Variants in NOS1 observed in about 807,000 individuals in gnomAD.
NOS1 encodes the protein nitric oxide synthase 1.
A neutral mutation model predicts 164.5 loss-of-function variants in NOS1; 51 were observed. The observed-to-expected ratio is 0.31, with a 90% CI of 0.25 to 0.39. The LOEUF is 0.39. Among genes scored for constraint, NOS1 ranks in the 10% least tolerant of loss-of-function variants. The pLI is 1.00. For missense variants in NOS1, 1,362 were observed against 1,885.6 expected, an observed-to-expected ratio of 0.72 and a Z score of 5.14; for synonymous variants, 719 against 745.8, an observed-to-expected ratio of 0.96 and a Z score of 0.59.
chr12:117,344,137 G>A (rs1200429367), intron 1 of NOS1, among the ~76,000 whole-genome samples: 1 of 152,204 alleles, frequency 6.6e-6, no homozygotes, highest in Non-Finnish European at 1.5e-5. Context: ...CTAGTACCAA[G>A]GACAGGAGGG....
chr12:117,265,144 C>T (rs1316483040), intron 12 of NOS1, among the ~76,000 whole-genome samples, 172 bp downstream of exon 12: 1 of 152,178 alleles, frequency 6.6e-6, no homozygotes, highest in African/African-American at 2.4e-5. Flanking sequence ...TCATGTCGGC[C>T]TCATATAGTC....
chr12:117,211,209 C>G lies in NOS1; in HGVS notation c.*4100G>C, dbSNP rs1475117968. On this transcript the variant is annotated 3_prime_UTR_variant, in exon 29 of 29. Transcript: ENST00000317775. ...CTGACCTCAACTGATACACCCACCT[C>G]GGCCTCCCAAAGTGCTGGGATTACA... 1.0e-6 allele frequency: 1 copy of G among 970,612 alleles called. No individual in the cohort carries two copies. Among genetic ancestry groups the G allele is most frequent in the Non-Finnish European group, 1.2e-6 (1 of 816,474 alleles). 60.1% of individuals were successfully genotyped at this position (970,612 alleles called of 1,614,324 possible). A position where few individuals can be genotyped will look rare whatever the true frequency, so the allele number is the denominator to read the frequency against.
intron 1 of NOS1, among the ~76,000 whole-genome samples, chr12:117,332,768 G>A (rs545343): frequency 0.69 from 104,122 of 151,974 alleles, 38,108 homozygotes; most frequent in Non-Finnish European, 0.81. Context: ...AGGAGGCTGA[G>A]GCACAAGAAT....
intron 22 of NOS1, among the ~76,000 whole-genome samples, chr12:117,230,633 T>C (rs1460918075): frequency 1.3e-5 from 2 of 152,226 alleles, no homozygotes; most frequent in Admixed American, 1.3e-4. Flanking sequence ...TGGGTGGTTC[T>C]CCTGGGTAGA....
intron 13 of NOS1, among the ~76,000 whole-genome samples, chr12:117,262,020 T>C (rs1317599186): frequency 6.6e-6 from 1 of 152,110 alleles, no homozygotes; most frequent in African/African-American, 2.4e-5. Context: ...TAACTAGAAA[T>C]CTCAGTGCAG....
chr12:117,340,900 T>G lies in NOS1; in HGVS notation c.-420-9411A>C, dbSNP rs548841209. ...TTTTTTTTTTTTTTTTTTTTTTGTA[T>G]TTTTAGTAGAGATGGGGTTTCACCA... is the stretch of plus-strand genomic sequence containing the variant. On this transcript the variant is annotated intron_variant, in intron 1 of 28. Coordinates refer to ENST00000317775, the MANE Select transcript of NOS1 (RefSeq NM_000620.5). Among the ~76,000 whole-genome samples the G allele has an allele frequency of 4.4e-5, 6 of 135,832 alleles. No homozygotes were observed. In the East Asian group the frequency reaches 1.1e-3, roughly 24 times the overall value. The allele number at this position is 135,832 out of a possible 152,430, so 89.1% of individuals were successfully genotyped here.
rs372972630 is a variant in NOS1, at chr12:117,258,378, G to A, written c.2531+19C>T. 50 of 1,613,758 alleles carry A rather than the reference G, an allele frequency of 3.1e-5. No homozygotes were observed. The highest frequency in any genetic ancestry group is 5.3e-5 in the African/African-American group (4 of 75,016). ...ACCCTCGGGGGTGGCGGGTGACGTC[G>A]GAGGGGTCATTCACTTACTTCCTTT... On this transcript the variant is annotated intron_variant, in intron 16 of 28. Coordinates refer to ENST00000317775, the MANE Select transcript of NOS1 (RefSeq NM_000620.5).
At chr12:117,269,854 C>G (rs1872675912) in intron 10 of NOS1, among the ~76,000 whole-genome samples, 1 of 152,192 alleles carries the variant, frequency 6.6e-6, no homozygotes, top group Non-Finnish European at 1.5e-5. Context: ...ACTCTACCCC[C>G]AGAGTGGTCA....
intron 3 of NOS1, among the ~76,000 whole-genome samples, chr12:117,304,516 A>T (rs951613555): frequency 2.0e-5 from 3 of 152,208 alleles, no homozygotes; most frequent in Middle Eastern, 3.2e-3. Flanking sequence ...AAGGGCAGGG[A>T]AGCCTGTGTT....
rs1393400325 is a variant in NOS1, at chr12:117,213,026, C to A, written c.*2283G>T. On this transcript the variant is annotated 3_prime_UTR_variant, in exon 29 of 29. Coordinates refer to ENST00000317775, the MANE Select transcript of NOS1 (RefSeq NM_000620.5). The stretch of plus-strand genomic sequence containing the variant: ...CTGGTTTTATAATCATTTCTTTGGA[C>A]TCCTTGACAAAATGAGACAATGTTT... 5.1e-6 allele frequency: 5 copies of A among 985,336 alleles called. No individual in the cohort carries two copies. The highest frequency in any genetic ancestry group is 6.0e-6 in the Non-Finnish European group (5 of 829,942). 61.0% of individuals were successfully genotyped at this position (985,336 alleles called of 1,614,324 possible).
At chr12:117,310,585 CTA>C (rs769222283) in intron 3 of NOS1, among the ~76,000 whole-genome samples, 121 of 152,250 alleles carry the variant, frequency 7.9e-4, no homozygotes, top group Non-Finnish European at 1.3e-3. Context: ...GGGAGGAAAA[CTA>C]TGTGACTAGG....
Position 117,263,897 on chromosome 12 carries a change from C to T in NOS1, c.2214G>A (p.Lys738=), listed in dbSNP as rs1872145187. 2.5e-6 allele frequency: 4 copies of T among 1,613,818 alleles called. No homozygotes were observed. The South Asian group carries it at 4.4e-5, about 18-fold the overall frequency. Residue 738 remains lysine, a synonymous_variant, in exon 13 of 29, where the codon AAG becomes AAA. Coordinates refer to ENST00000317775, the MANE Select transcript of NOS1 (RefSeq NM_000620.5). Reference sequence around the variant, plus strand: ...CACTGCACGAAACTTACTCTGCTAGCTTCTTGAAGCCAATGGCTCGCCGCT... The same window carrying T: ...CACTGCACGAAACTTACTCTGCTAGTTTCTTGAAGCCAATGGCTCGCCGCT... ...PTKRRAIGFK[K]LAEAVKFSAK...
intron 16 of NOS1, chr12:117,255,798 A>G (rs1041355938): frequency 2.5e-5 from 11 of 435,096 alleles, no homozygotes; most frequent in Admixed American, 4.4e-5. Context: ...GCTCAAGGTC[A>G]CTTAGTGAGT....
rs373376735 is a variant in NOS1 at position 117,234,093 on chromosome 12, C to A, written c.3235+472G>T. Among the ~76,000 whole-genome samples, 8 of 152,088 alleles carry A rather than the reference C, an allele frequency of 5.3e-5. No individual in the cohort carries two copies. Among genetic ancestry groups the A allele is most frequent in the African/African-American group, 1.9e-4 (8 of 41,394 alleles). On this transcript the variant is annotated intron_variant, in intron 21 of 28. Transcript: ENST00000317775. The surrounding 1 kb of genome is among the most constrained non-coding windows in gnomAD (Gnocchi z 4.3). ...TGTCAAGGATGGACACTTAAGCAGG[C>A]GAGAACTTGACCTAATGAGGTAAAA...
intron 21 of NOS1, among the ~76,000 whole-genome samples, chr12:117,233,700 C>T (rs1869453844): frequency 6.6e-6 from 1 of 150,790 alleles, no homozygotes; most frequent in African/African-American, 2.4e-5. Context: ...CCCAGCTACT[C>T]AGGAGGCTAA....
chr12:117,234,581 C>T lies in NOS1; in HGVS notation c.3219G>A (p.Glu1073=), dbSNP rs775551764. The T allele has an allele frequency of 1.2e-6, 2 of 1,613,784 alleles. No individual in the cohort carries two copies. The highest frequency in any genetic ancestry group is 2.2e-5 in the South Asian group (2 of 91,040). The stretch of plus-strand genomic sequence containing the variant: ...GAATGTTACCTAAAGCCGTGTTCCG[C>T]TCCTCCAGCAGTTCCACTTTCACCA... ...NQMVKVELLE[E]RNTALGVISN... is the part of the protein sequence containing the mutation. The change falls in exon 21 of 29, where the codon GAG becomes GAA. Residue 1073 remains glutamate, a synonymous_variant. Coordinates refer to ENST00000317775, the MANE Select transcript of NOS1 (RefSeq NM_000620.5). This position sits in a 1 kb window ranked among gnomAD's most constrained non-coding sequence, Gnocchi z 4.3.
intron 3 of NOS1, among the ~76,000 whole-genome samples, chr12:117,294,479 T>C (rs996330847): frequency 1.3e-5 from 2 of 152,140 alleles, no homozygotes; most frequent in African/African-American, 4.8e-5. Context: ...TTTCACTGGA[T>C]TGCACACTTG....
intron 1 of NOS1, among the ~76,000 whole-genome samples, chr12:117,361,223 C>G (rs1199765415): frequency 6.6e-6 from 1 of 151,882 alleles, no homozygotes; most frequent in Non-Finnish European, 1.5e-5. Flanking sequence ...CGCCCGCGGC[C>G]GCCGCGCTCC....
In NOS1 at chr12:117,212,194, A is replaced by G. The variant is rs1956539529; in HGVS notation, c.*3115T>C. The G allele has an allele frequency of 3.0e-6, 3 of 985,384 alleles. No homozygotes were observed. Among genetic ancestry groups the G allele is most frequent in the Non-Finnish European group, 3.6e-6 (3 of 829,900 alleles). 61.0% of individuals were successfully genotyped at this position (985,384 alleles called of 1,614,324 possible). On this transcript the variant is annotated 3_prime_UTR_variant, in exon 29 of 29. Coordinates refer to ENST00000317775, the MANE Select transcript of NOS1 (RefSeq NM_000620.5). ...TAAGTTAAGTGAAAAATTAAAATGC[A>G]GTAAGTTTTGAACCAGGTACTGTAA...
Sources: gnomAD v4.1 joint callset for allele counts (sites outside exome capture counted in the v4.1 genomes callset) on GRCh38, gnomAD v4.1.1 for gene constraint, Gnocchi (gnomAD v3.1) non-coding constraint, MANE v1.5 for transcripts, NCBI Gene and HGNC (gene_info 2026-07-23, HGNC 2026-07-21) for gene names.